ERAP2: variants seen among roughly 807,000 people sequenced by gnomAD.
ERAP2 encodes the protein endoplasmic reticulum aminopeptidase 2.
In ERAP2, 118 loss-of-function variants were observed where a neutral mutation model predicts 111.1. That is an observed-to-expected ratio of 1.06 (90% CI 0.92 to 1.24). The LOEUF (loss-of-function observed/expected upper bound fraction) is 1.24, where lower values mean the gene tolerates loss of function less well. ERAP2 is among the 50% of genes most tolerant of loss of function. The probability of loss-of-function intolerance (pLI) is 0.00; values close to 1 mark genes in which losing one functional copy is unlikely to be tolerated. For synonymous variants in ERAP2, 410 were observed against 401.2 expected (o/e 1.02, Z -0.26); for missense variants, 1,131 against 1,125.8 (o/e 1.00, Z -0.07).
chr5:96,906,023 G>T (rs1786039689), intron 13 of ERAP2, among the ~76,000 whole-genome samples: 1 of 140,060 alleles, frequency 7.1e-6, no homozygotes, highest in Non-Finnish European at 1.5e-5. Context: ...AAGCACTTCT[G>T]CTCAGCCTCG....
At chr5:96,912,857 C>T (rs1786955649) in intron 16 of ERAP2, 59 bp downstream of exon 16, 1 of 1,414,168 alleles carries the variant, frequency 7.1e-7, no homozygotes, top group Non-Finnish European at 9.6e-7. Flanking sequence ...TCAGTGAAGT[C>T]ACTAAAACTT....
At chr5:96,877,603 G>A (rs1037750802) in intron 1 of ERAP2, among the ~76,000 whole-genome samples, 1 of 152,190 alleles carries the variant, frequency 6.6e-6, no homozygotes, top group Non-Finnish European at 1.5e-5. Context: ...CTGTTTTATG[G>A]TTGAGATAAA....
intron 2 of ERAP2, chr5:96,881,114 A>G: frequency 3.5e-6 from 1 of 285,594 alleles, no homozygotes; most frequent in Non-Finnish European, 6.9e-6. Flanking sequence ...GGATCAGATC[A>G]TGTGGAGCCT....
In ERAP2 at chr5:96,880,014, T is replaced by A. The variant is rs571158626; in HGVS notation, c.329T>A (p.Leu110Ter). 4.3e-6 allele frequency: 7 copies of A among 1,614,174 alleles called. No homozygotes were observed. Among genetic ancestry groups the A allele is most frequent in the Non-Finnish European group, 5.9e-6 (7 of 1,180,024 alleles). Residue 110 changes from leucine to a stop codon, truncating the protein, a stop_gained, in exon 2 of 19, where the codon TTG becomes TAG. Coordinates refer to ENST00000437043, the MANE Select transcript of ERAP2 (RefSeq NM_022350.5). LOFTEE classifies it high-confidence loss of function. Reference sequence around the variant, plus strand: ...AGCAATGCTACCCAGTTTATCATCTTGCACAGCAAAGATCTTGAAATCACG... The same window carrying A: ...AGCAATGCTACCCAGTTTATCATCTAGCACAGCAAAGATCTTGAAATCACG... ...LVSNATQFII[L>*]HSKDLEITNA...
chr5:96,894,237 A>T (rs1178842382), intron 6 of ERAP2, among the ~76,000 whole-genome samples: 1 of 152,232 alleles, frequency 6.6e-6, no homozygotes, highest in Non-Finnish European at 1.5e-5. Context: ...TAAAGTGGCT[A>T]GAATCAGTTT....
rs191700418 is a variant in ERAP2 at position 96,887,495 on chromosome 5, T to C, written c.849+706T>C. On this transcript the variant is annotated intron_variant, in intron 4 of 18. Coordinates refer to ENST00000437043, the MANE Select transcript of ERAP2 (RefSeq NM_022350.5). Reference sequence around the variant, plus strand: ...TTTGTATATTTGTAGAGATGGGGTTTCACCATGTTGACCAGGCTGGTTTTG... The same window carrying C: ...TTTGTATATTTGTAGAGATGGGGTTCCACCATGTTGACCAGGCTGGTTTTG... Among the ~76,000 whole-genome samples, 8 of 152,260 alleles carry C rather than the reference T, an allele frequency of 5.3e-5. No homozygotes were observed. In the East Asian group the frequency reaches 1.5e-3, roughly 29 times the overall value.
chr5:96,903,345 A>G, intron 12 of ERAP2, 32 bp from the exon 13 acceptor site: 4 of 1,544,022 alleles, frequency 2.6e-6, no homozygotes, highest in Non-Finnish European at 3.5e-6. Context: ...TTTGTTGATA[A>G]TAAAATGCCT....
Position 96,879,859 on chromosome 5 carries a change from T to C in ERAP2, c.174T>C (p.Asn58=), listed in dbSNP as rs1321286040. 3.1e-6 allele frequency: 5 copies of C among 1,614,086 alleles called. No individual in the cohort carries two copies. The highest frequency in any genetic ancestry group is 4.2e-6 in the Non-Finnish European group (5 of 1,180,038). Residue 58 remains asparagine (N), a synonymous_variant, in exon 2 of 19, where the codon AAT becomes AAC. Coordinates refer to ENST00000437043, the MANE Select transcript of ERAP2 (RefSeq NM_022350.5). ...CTGGGGCTTTCCCAGTAGCCACTAA[T>C]GGGGAACGATTTCCTTGGCAGGAGC... ...EDPGAFPVAT[N]GERFPWQELR...
intron 2 of ERAP2, among the ~76,000 whole-genome samples, chr5:96,881,764 A>G (rs1465035088): frequency 6.6e-6 from 1 of 152,148 alleles, no homozygotes; most frequent in Admixed American, 6.5e-5. Context: ...AGGCAGGAAG[A>G]AGGGGGACAC....
chr5:96,891,556 A>G (rs1784396825), intron 5 of ERAP2, among the ~76,000 whole-genome samples: 1 of 146,214 alleles, frequency 6.8e-6, no homozygotes, highest in Non-Finnish European at 1.5e-5. Context: ...ACACACACAC[A>G]CACACACATA....
chr5:96,881,535 C>G (rs1394916135), intron 2 of ERAP2: 2 of 452,484 alleles, frequency 4.4e-6, no homozygotes, highest in Non-Finnish European at 8.9e-6. Flanking sequence ...TGTTCAATTG[C>G]CAGTTGGAGA....
intron 15 of ERAP2, 157 bp downstream of exon 15, chr5:96,909,921 CT>C: frequency 1.5e-6 from 1 of 653,878 alleles, no homozygotes; most frequent in Non-Finnish European, 2.6e-6. Context: ...ATTGTAAGTG[CT>C]ATGTATGGAG....
At chr5:96,892,897 T>C (rs900159073) in intron 6 of ERAP2, among the ~76,000 whole-genome samples, 2 of 152,116 alleles carry the variant, frequency 1.3e-5, no homozygotes, top group African/African-American at 4.8e-5. Context: ...ATACTTCAAG[T>C]GAAATTTGAT....
At chr5:96,910,649 T>G (rs1195096158) in intron 15 of ERAP2, among the ~76,000 whole-genome samples, 1 of 152,216 alleles carries the variant, frequency 6.6e-6, no homozygotes, top group African/African-American at 2.4e-5. Flanking sequence ...ACAGTAGATA[T>G]AAGTGTTCAA....
intron 3 of ERAP2, 136 bp downstream of exon 3, chr5:96,884,066 CTATCTATCTATCT>C (rs1783465742): frequency 4.7e-6 from 3 of 638,976 alleles, no homozygotes; most frequent in Admixed American, 3.8e-5. Flanking sequence ...ATCTATCTAT[CTATCTATCTATCT>C]ATCATCATAA....
chr5:96,888,745 G>T (rs1784019281), intron 4 of ERAP2, among the ~76,000 whole-genome samples: 2 of 152,236 alleles, frequency 1.3e-5, no homozygotes, highest in African/African-American at 4.8e-5. Context: ...AAGCTTGACA[G>T]AGGGCGGATC....
At position 96,909,691 on chromosome 5, in the gene ERAP2, C is replaced by A; in HGVS notation, c.2281C>A (p.Leu761Met). The change falls in exon 15 of 19, where the codon CTG (leucine) becomes ATG (methionine). Residue 761 changes from leucine (L) to methionine (M), a missense_variant. By Grantham distance (15) the Leu-to-Met change is conservative (BLOSUM62 2). Transcript: ENST00000437043. ...RSALLKLACD[L>M]NHAPCIQKAA... The stretch of plus-strand genomic sequence containing the variant: ...GGCTCTCTTGAAGCTGGCCTGTGAC[C>A]TGAACCATGCTCCTTGCATCCAGAA... 1 of 1,614,200 alleles carries A rather than the reference C, an allele frequency of 6.2e-7. No homozygotes were observed. The highest frequency in any genetic ancestry group is 1.1e-5 in the South Asian group (1 of 91,082).
chr5:96,904,679 T>C (rs1377444977), intron 13 of ERAP2, among the ~76,000 whole-genome samples: 1 of 152,186 alleles, frequency 6.6e-6, no homozygotes, highest in Non-Finnish European at 1.5e-5. Flanking sequence ...CTGAGTAGAT[T>C]GAAGAGAAGA....
At chr5:96,906,223 TCTC>T (rs944384616) in intron 13 of ERAP2, among the ~76,000 whole-genome samples, 2 of 151,286 alleles carry the variant, frequency 1.3e-5, no homozygotes, top group African/African-American at 2.4e-5. Flanking sequence ...TCCTCTTCCT[TCTC>T]CTCCTCCTCT....
Sources: gnomAD v4.1 joint callset for allele counts (sites outside exome capture counted in the v4.1 genomes callset) on GRCh38, gnomAD v4.1.1 for gene constraint, MANE v1.5 for transcripts, NCBI Gene and HGNC (gene_info 2026-07-23, HGNC 2026-07-21) for gene names.